The following TMA7B variants were observed in gnomAD, a reference collection of about 807,000 sequenced individuals.
TMA7B encodes the protein translation machinery-associated protein 7B.
chr22:39,964,689 G>T, the TMA7B span: 22 of 374,484 alleles, frequency 5.9e-5, no homozygotes, highest in Non-Finnish European at 6.7e-5. Context: ...TCTTGGAGCT[G>T]TTGTACATTT....
the TMA7B span, chr22:39,964,594 G>T: frequency 9.1e-6 from 7 of 769,854 alleles, no homozygotes; most frequent in South Asian, 8.6e-5. Context: ...CTAAGGAGAC[G>T]GTGACCCTTT....
chr22:39,964,591 G>T, the TMA7B span: 2 of 775,884 alleles, frequency 2.6e-6, no homozygotes, highest in Non-Finnish European at 4.7e-6. Flanking sequence ...TGCCTAAGGA[G>T]ACGGTGACCC....
the TMA7B span, among the ~76,000 whole-genome samples, chr22:39,962,685 T>C: frequency 5.3e-5 from 8 of 152,072 alleles, no homozygotes; most frequent in African/African-American, 1.9e-4. Context: ...TGAGACAGAC[T>C]CTCGCTCTGT....
chr22:39,962,051 G>C, the TMA7B span, among the ~76,000 whole-genome samples: 1 of 152,210 alleles, frequency 6.6e-6, no homozygotes, highest in Non-Finnish European at 1.5e-5. Flanking sequence ...GTTAACTTTA[G>C]TTCAGGCCAA....
the TMA7B span, among the ~76,000 whole-genome samples, chr22:39,963,538 CA>C: frequency 1.3e-5 from 2 of 152,046 alleles, no homozygotes; most frequent in African/African-American, 2.4e-5. Flanking sequence ...TGTTGGTGGC[CA>C]AAACCAAGGG....
At chr22:39,964,890 C>T in the TMA7B span, among the ~76,000 whole-genome samples, 4 of 152,130 alleles carry the variant, frequency 2.6e-5, no homozygotes, top group Admixed American at 2.6e-4. Context: ...TAAACCAACT[C>T]ATTTGAAAGA....
At chr22:39,961,527 G>A in the TMA7B span, among the ~76,000 whole-genome samples, 4 of 152,300 alleles carry the variant, frequency 2.6e-5, no homozygotes, top group African/African-American at 4.8e-5. Flanking sequence ...GGCCAGGAGT[G>A]GGGGAGGACT....
chr22:39,963,660 A>G, the TMA7B span, among the ~76,000 whole-genome samples: 5 of 152,204 alleles, frequency 3.3e-5, no homozygotes, highest in African/African-American at 1.2e-4. Context: ...CCCAGCACAT[A>G]AGATGAGATT....
chr22:39,962,455 T>C, the TMA7B span, among the ~76,000 whole-genome samples: 1 of 151,988 alleles, frequency 6.6e-6, no homozygotes, highest in Non-Finnish European at 1.5e-5. Flanking sequence ...ATATATTATA[T>C]ACATATATTA....
At chr22:39,964,280 C>A in the TMA7B span, 1 of 643,272 alleles carries the variant, frequency 1.6e-6, no homozygotes, top group Non-Finnish European at 2.8e-6. Flanking sequence ...TCGAATGTGT[C>A]CCATCACTTG....
At chr22:39,962,218 G>GT in the TMA7B span, among the ~76,000 whole-genome samples, 17 of 152,288 alleles carry the variant, frequency 1.1e-4, no homozygotes, top group East Asian at 3.1e-3. Flanking sequence ...AAGCCAAGGA[G>GT]TTGGAGACCA....
At chr22:39,961,678 T>C in the TMA7B span, among the ~76,000 whole-genome samples, 1 of 152,246 alleles carries the variant, frequency 6.6e-6, no homozygotes, top group Admixed American at 6.5e-5. Flanking sequence ...GCAAGTCACG[T>C]ATCAGACTTC....
At chr22:39,962,423 T>G in the TMA7B span, among the ~76,000 whole-genome samples, 7 of 151,966 alleles carry the variant, frequency 4.6e-5, no homozygotes, top group African/African-American at 1.7e-4. Context: ...AGACCCTGTC[T>G]CAAGAGAAAA....
chr22:39,964,524 G>C, the TMA7B span: 1 of 903,680 alleles, frequency 1.1e-6, no homozygotes, highest in Admixed American at 1.8e-5. Context: ...TCGTGGGGAA[G>C]GGGCCTCTGG....
the TMA7B span, among the ~76,000 whole-genome samples, chr22:39,961,495 GACCGAAA>G: frequency 6.6e-6 from 1 of 152,222 alleles, no homozygotes; most frequent in Non-Finnish European, 1.5e-5. Flanking sequence ...AGTACAGCAA[GACCGAAA>G]ACCACAGAAC....
At chr22:39,964,808 A>G in the TMA7B span, 5 of 368,488 alleles carry the variant, frequency 1.4e-5, no homozygotes, top group Non-Finnish European at 2.4e-5. Context: ...TTTAAAGTAA[A>G]ACCAGCTCAG....
At chr22:39,960,398 G>A in the TMA7B span, 11 of 488,850 alleles carry the variant, frequency 2.3e-5, no homozygotes, top group South Asian at 6.3e-5. Context: ...TTATTTCTAC[G>A]CCCATCTGCC....
At chr22:39,962,192 T>C in the TMA7B span, among the ~76,000 whole-genome samples, 1 of 151,938 alleles carries the variant, frequency 6.6e-6, no homozygotes. Flanking sequence ...GGAGGCTGAG[T>C]TGGGAGGAAT....
At chr22:39,961,285 G>A in the TMA7B span, among the ~76,000 whole-genome samples, 4 of 151,886 alleles carry the variant, frequency 2.6e-5, no homozygotes, top group African/African-American at 4.8e-5. Context: ...ACTCACTCAG[G>A]GGGAGAAAGA....
Sources: gnomAD v4.1 joint callset for allele counts (sites outside exome capture counted in the v4.1 genomes callset) on GRCh38, gnomAD v4.1.1 for gene constraint, MANE v1.5 for transcripts, NCBI Gene and HGNC (gene_info 2026-07-23, HGNC 2026-07-21) for gene names.